Variants in SHANK2 observed in about 807,000 individuals in gnomAD.
The protein encoded by SHANK2 is SH3 and multiple ankyrin repeat domains 2.
A neutral mutation model predicts 133.7 loss-of-function variants in SHANK2; 43 were observed. The observed-to-expected ratio is 0.32, with a 90% CI of 0.25 to 0.41. The LOEUF (loss-of-function observed/expected upper bound fraction) is 0.41, where lower values mean the gene tolerates loss of function less well. Among genes scored for constraint, SHANK2 ranks in the 10% least tolerant of loss-of-function variants. The probability of loss-of-function intolerance (pLI) is 1.00; values close to 1 mark genes in which losing one functional copy is unlikely to be tolerated. For missense variants in SHANK2, 1,994 were observed against 2,235.8 expected, an observed-to-expected ratio of 0.89 and a Z score of 2.18; for synonymous variants, 1,017 against 952.8, an observed-to-expected ratio of 1.07 and a Z score of -1.24.
At chr11:71,085,793 TG>T (rs1951389505) in intron 8 of SHANK2, among the ~76,000 whole-genome samples, 24 of 71,578 alleles carry the variant, frequency 3.4e-4, no homozygotes, top group African/African-American at 1.3e-3. Context: ...ATATAATATA[TG>T]ATACAACATA....
chr11:71,092,886 CA>C (rs1240128105), intron 7 of SHANK2, among the ~76,000 whole-genome samples: 3 of 151,678 alleles, frequency 2.0e-5, no homozygotes, highest in Admixed American at 6.6e-5. Flanking sequence ...ATGAAAAATA[CA>C]AAAAAAATAG....
intron 2 of SHANK2, among the ~76,000 whole-genome samples, chr11:71,185,457 G>A (rs4943820): frequency 0.038 from 5,724 of 152,294 alleles, 286 homozygotes; most frequent in East Asian, 0.16. Flanking sequence ...AGAGAAGGAT[G>A]GGGATTATAT....
chr11:70,610,252 G>A (rs1276428715), intron 17 of SHANK2, among the ~76,000 whole-genome samples: 4 of 152,090 alleles, frequency 2.6e-5, no homozygotes, highest in East Asian at 3.9e-4. Context: ...GGGAGCTTTG[G>A]TGCCCCTAAA....
chr11:71,155,937 T>A (rs1952899736), intron 2 of SHANK2, among the ~76,000 whole-genome samples: 2 of 152,158 alleles, frequency 1.3e-5, no homozygotes, highest in South Asian at 4.1e-4. Flanking sequence ...GTACTTAAGG[T>A]TCCACAAGGT....
At chr11:70,769,255 T>C (rs994024643) in intron 14 of SHANK2, among the ~76,000 whole-genome samples, 1 of 152,150 alleles carries the variant, frequency 6.6e-6, no homozygotes, top group African/African-American at 2.4e-5. Context: ...TGGCAGTAAG[T>C]AGGGCAGCCC....
At chr11:70,582,796 G>C (rs1311896436) in intron 17 of SHANK2, among the ~76,000 whole-genome samples, 1 of 152,214 alleles carries the variant, frequency 6.6e-6, no homozygotes, top group African/African-American at 2.4e-5. Context: ...GAACCACCTG[G>C]GGGGCTTTAG....
At chr11:70,737,328 C>T (rs1168545136) in intron 14 of SHANK2, among the ~76,000 whole-genome samples, 1 of 152,224 alleles carries the variant, frequency 6.6e-6, no homozygotes, top group East Asian at 1.9e-4. Context: ...TGCCAGCTTC[C>T]TGTGAGGTGG....
chr11:70,700,174 C>T (rs1355568614), intron 14 of SHANK2, among the ~76,000 whole-genome samples: 1 of 152,222 alleles, frequency 6.6e-6, no homozygotes. Context: ...TCCCCACAAA[C>T]CCCCGAGGCT....
At chr11:70,526,559 T>C (rs2059399930) in intron 17 of SHANK2, among the ~76,000 whole-genome samples, 2 of 152,208 alleles carry the variant, frequency 1.3e-5, no homozygotes, top group African/African-American at 4.8e-5. Context: ...TGAATACTCA[T>C]GGCTTCTATA....
chr11:70,645,919 G>T (rs143580158), intron 17 of SHANK2, among the ~76,000 whole-genome samples: 199 of 152,266 alleles, frequency 1.3e-3, no homozygotes, highest in African/African-American at 4.6e-3. Context: ...ATCATCACCT[G>T]TGATGGGTCA....
In SHANK2 at chr11:70,646,869, A is replaced by T. The variant is rs538367826; in HGVS notation, c.2061+12959T>A. 1.4e-3 allele frequency among the ~76,000 whole-genome samples: 201 copies of T among 143,702 alleles called. 2 individuals carry two copies. Among genetic ancestry groups the T allele is most frequent in the African/African-American group, 5.1e-3 (194 of 37,712 alleles). 94.3% of individuals were successfully genotyped at this position (143,702 alleles called of 152,430 possible). Reference sequence around the variant, plus strand: ...TATTTATTTATTTATTTATTTATTTATTTATTTTTGAGACAGAGTATTGCT... The same window carrying T: ...TATTTATTTATTTATTTATTTATTTTTTTATTTTTGAGACAGAGTATTGCT... On this transcript the variant is annotated intron_variant, in intron 17 of 25. Transcript: ENST00000601538.
chr11:70,787,796 C>A (rs1282752113), intron 14 of SHANK2, among the ~76,000 whole-genome samples: 4 of 152,192 alleles, frequency 2.6e-5, no homozygotes, highest in Admixed American at 2.6e-4. Flanking sequence ...GATGCTCCAG[C>A]CTCCAGGTAA....
At chr11:70,770,560 G>C (rs1211871367) in intron 14 of SHANK2, among the ~76,000 whole-genome samples, 18 of 152,226 alleles carry the variant, frequency 1.2e-4, no homozygotes, top group Non-Finnish European at 2.6e-4. Flanking sequence ...TTAGGCCCAG[G>C]GGCCTTCTCT....
chr11:71,158,429 A>G (rs1952945090), intron 2 of SHANK2, among the ~76,000 whole-genome samples: 1 of 152,252 alleles, frequency 6.6e-6, no homozygotes, highest in Non-Finnish European at 1.5e-5. Flanking sequence ...GGAGAAAAGT[A>G]ATACTACATA....
At chr11:70,875,440 G>T (rs752257374) in intron 11 of SHANK2, among the ~76,000 whole-genome samples, 17 of 151,978 alleles carry the variant, frequency 1.1e-4, no homozygotes, top group Non-Finnish European at 2.4e-4. Flanking sequence ...CAGGAGAAAG[G>T]CGTGAACCCG....
intron 17 of SHANK2, among the ~76,000 whole-genome samples, chr11:70,586,789 G>A (rs371345916): frequency 3.3e-5 from 5 of 152,172 alleles, no homozygotes; most frequent in South Asian, 2.1e-4. Context: ...CGAGGGTACC[G>A]CTCCCCGGAA....
intron 15 of SHANK2, among the ~76,000 whole-genome samples, chr11:70,684,487 G>T (rs1555019056): frequency 6.6e-6 from 1 of 152,130 alleles, no homozygotes; most frequent in Non-Finnish European, 1.5e-5. Flanking sequence ...TTGAGCCCAG[G>T]AATTCAAGGC....
Position 70,472,730 on chromosome 11 carries a change from A to T in SHANK2, c.*139T>A. On this transcript the variant is annotated 3_prime_UTR_variant, in exon 26 of 26. Transcript: ENST00000601538. The surrounding 1 kb of genome is among the most constrained non-coding windows in gnomAD (Gnocchi z 4.4). The stretch of plus-strand genomic sequence containing the variant: ...CCCAGCCATGTTGTGGACACAACTC[A>T]GTATTTCTTTGGGTACCAGGAGACA... 1.2e-6 allele frequency: 1 copy of T among 859,930 alleles called. No individual in the cohort carries two copies. The highest frequency in any genetic ancestry group is 2.0e-6 in the Non-Finnish European group (1 of 512,284). The allele number at this position is 859,930 out of a possible 1,614,324, so 53.3% of individuals were successfully genotyped here. A position where few individuals can be genotyped will look rare whatever the true frequency, so the allele number is the denominator to read the frequency against.
chr11:70,623,250 G>T (rs1275928505), intron 17 of SHANK2, among the ~76,000 whole-genome samples: 1 of 152,068 alleles, frequency 6.6e-6, no homozygotes, highest in Non-Finnish European at 1.5e-5. Context: ...CCCGCACTTG[G>T]GTGCATGGCC....
Sources: allele counts gnomAD v4.1 joint callset (sites outside exome capture counted in the v4.1 genomes callset), GRCh38; gene constraint gnomAD v4.1.1; non-coding constraint Gnocchi (gnomAD v3.1); transcripts MANE v1.5; gene names NCBI Gene and HGNC (gene_info 2026-07-23, HGNC 2026-07-21).